GRHL3: variants seen among roughly 807,000 people sequenced by gnomAD.
GRHL3 encodes grainyhead-like protein 3 homolog.
GRHL3 carries 20 observed loss-of-function variants against 70.3 expected under a neutral mutation model. That is an observed-to-expected ratio of 0.28 (90% confidence interval 0.20 to 0.41). GRHL3 has a LOEUF of 0.41. Among genes scored for constraint, GRHL3 ranks in the 10% least tolerant of loss-of-function variants. The pLI, the probability that GRHL3 is intolerant of heterozygous loss-of-function variation, is 1.00. For missense variants in GRHL3, 637 were observed against 762.3 expected, an observed-to-expected ratio of 0.84 and a Z score of 1.94; for synonymous variants, 299 against 299.9, an observed-to-expected ratio of 1.00 and a Z score of 0.03.
intron 2 of GRHL3, 136 bp downstream of exon 2, chr1:24,331,748 C>A: frequency 1.7e-6 from 1 of 598,688 alleles, no homozygotes; most frequent in East Asian, 2.9e-5. Context: ...TTCCCTCTGC[C>A]TGGCACCCTC....
At chr1:24,343,174 A>G in intron 11 of GRHL3, 149 bp downstream of exon 11, 1 of 750,936 alleles carries the variant, frequency 1.3e-6, no homozygotes, top group Non-Finnish European at 2.2e-6. Flanking sequence ...AAACATGTAT[A>G]TATGGTCCTA....
chr1:24,359,754 CAT>C (rs141036826), downstream of GRHL3, among the ~76,000 whole-genome samples: 356 of 152,320 alleles, frequency 2.3e-3, no homozygotes, highest in African/African-American at 7.6e-3. The surrounding 1 kb of genome is among the most constrained non-coding windows in gnomAD (Gnocchi z 5.3). Flanking sequence ...ACCTGCCACA[CAT>C]GTCAGTCCCC....
chr1:24,330,792 C>T (rs970174257), intron 1 of GRHL3, among the ~76,000 whole-genome samples: 13 of 152,208 alleles, frequency 8.5e-5, no homozygotes, highest in South Asian at 4.1e-4. Context: ...CACCAGTACC[C>T]GGGTCCTTCC....
At chr1:24,335,739 C>T (rs1194933502) in intron 3 of GRHL3, among the ~76,000 whole-genome samples, 4 of 152,092 alleles carry the variant, frequency 2.6e-5, no homozygotes, top group East Asian at 1.9e-4. Context: ...CCCGCCACCT[C>T]GCCCGGCTAA....
At chr1:24,343,680 C>T (rs552307963) in intron 11 of GRHL3, among the ~76,000 whole-genome samples, 24 of 152,224 alleles carry the variant, frequency 1.6e-4, no homozygotes, top group Admixed American at 1.1e-3. Flanking sequence ...TTTCCAGGCA[C>T]GGTCCCACAA....
In GRHL3 at chr1:24,342,341, GTCC is replaced by G; in HGVS notation, c.1206+73_1206+75del. ...AGAAGGGCCAAACCCTGACCCGTGC[GTCC>G]TCCTAGCTTCTCTGGGTTGTCTGTC... On this transcript the variant is annotated intron_variant, in intron 9 of 15. Transcript: ENST00000361548. This position sits in a 1 kb window ranked among gnomAD's most constrained non-coding sequence, Gnocchi z 4.8. The G allele has an allele frequency of 7.4e-7, 1 of 1,354,926 alleles. No homozygotes were observed. The highest frequency in any genetic ancestry group is 1.9e-4 in the Middle Eastern group (1 of 5,284). 83.9% of individuals were successfully genotyped at this position (1,354,926 alleles called of 1,614,324 possible).
chr1:24,333,956 G>T (rs558940228), intron 2 of GRHL3, among the ~76,000 whole-genome samples: 14 of 152,290 alleles, frequency 9.2e-5, no homozygotes, highest in African/African-American at 2.4e-4. Flanking sequence ...CCACTCACTT[G>T]ACATATGAAG....
chr1:24,361,046 G>A, intron 15 of GRHL3: 2 of 1,600,904 alleles, frequency 1.2e-6, no homozygotes, highest in Non-Finnish European at 1.7e-6. Context: ...TTTTTCCTTT[G>A]GGAAAGATAA....
At chr1:24,346,168 C>T (rs1302036907) in intron 12 of GRHL3, among the ~76,000 whole-genome samples, 2 of 148,112 alleles carry the variant, frequency 1.4e-5, no homozygotes, top group African/African-American at 2.5e-5. Context: ...TAAAAAGGAA[C>T]GATGATGATG....
In GRHL3 at chr1:24,342,100, C is replaced by T. The variant is rs773233034; in HGVS notation, c.1048-15C>T. ...CTGGGCAGGCCACTTACCCAGCGGC[C>T]CCCTCTGTCTCCAGGTGTTCATCGG... On this transcript the variant is annotated splice_polypyrimidine_tract_variant and intron_variant, in intron 8 of 15. Coordinates refer to ENST00000361548, the MANE Select transcript of GRHL3 (RefSeq NM_198173.3). This position sits in a 1 kb window ranked among gnomAD's most constrained non-coding sequence, Gnocchi z 4.8. 3.9e-6 allele frequency: 6 copies of T among 1,544,466 alleles called. No homozygotes were observed. The Admixed American group carries it at 1.1e-4, about 29-fold the overall frequency.
rs1265642101 is a variant in GRHL3, at chr1:24,334,753, A to G, written c.266+47A>G. The G allele has an allele frequency of 1.3e-6, 2 of 1,492,844 alleles. No individual in the cohort carries two copies. Among genetic ancestry groups the G allele is most frequent in the East Asian group, 2.3e-5 (1 of 43,516 alleles). The allele number at this position is 1,492,844 out of a possible 1,614,324, so 92.5% of individuals were successfully genotyped here. A position where few individuals can be genotyped will look rare whatever the true frequency, so the allele number is the denominator to read the frequency against. On this transcript the variant is annotated intron_variant, in intron 3 of 15. Coordinates refer to ENST00000361548, the MANE Select transcript of GRHL3 (RefSeq NM_198173.3). The surrounding 1 kb of genome is among the most constrained non-coding windows in gnomAD (Gnocchi z 4.3). The stretch of plus-strand genomic sequence containing the variant: ...TGCCTCTTTGCCCTTCCCCACCTCC[A>G]CCTGGAGCCTCTTCCACACAGGTTT...
Position 24,337,193 on chromosome 1 carries a change from G to A in GRHL3, c.686+42G>A, listed in dbSNP as rs1639855247. On this transcript the variant is annotated intron_variant, in intron 5 of 15. Coordinates refer to ENST00000361548, the MANE Select transcript of GRHL3 (RefSeq NM_198173.3). ...GGACCCTCAGACACCTGGGCAGTGG[G>A]CAGGAGGCTGCAGACAGAGCCCCAC... The A allele has an allele frequency of 4.3e-6, 6 of 1,399,838 alleles. No homozygotes were observed. The South Asian group carries it at 5.9e-5, about 14-fold the overall frequency. The allele number at this position is 1,399,838 out of a possible 1,614,324, so 86.7% of individuals were successfully genotyped here.
intron 1 of GRHL3, among the ~76,000 whole-genome samples, chr1:24,325,967 G>A (rs950374682): frequency 6.6e-6 from 1 of 152,194 alleles, no homozygotes; most frequent in African/African-American, 2.4e-5. Flanking sequence ...ATGCCTTGAG[G>A]TACAAGCTCA....
At chr1:24,336,234 A>G (rs993617028) in intron 3 of GRHL3, among the ~76,000 whole-genome samples, 4 of 151,550 alleles carry the variant, frequency 2.6e-5, no homozygotes, top group African/African-American at 9.7e-5. Context: ...TTTTTTAATA[A>G]GTACTGTAAT....
At chr1:24,336,087 G>A (rs1250544319) in intron 3 of GRHL3, among the ~76,000 whole-genome samples, 7 of 151,950 alleles carry the variant, frequency 4.6e-5, no homozygotes, top group Non-Finnish European at 8.8e-5. Context: ...AGAGATACAC[G>A]TTTCTTCCAC....
At position 24,342,914 on chromosome 1, in the gene GRHL3, G is replaced by A. The variant is rs370928369; in HGVS notation, c.1308G>A (p.Ser436=). ...SNSGVKGCLL[S]GFRGNETTYL... is the part of the protein sequence containing the mutation. Reference sequence around the variant, plus strand: ...CAGGCGTCAAGGGCTGCCTGCTGTCGGGCTTCAGGGGCAATGAGACGACCT... The same window carrying A: ...CAGGCGTCAAGGGCTGCCTGCTGTCAGGCTTCAGGGGCAATGAGACGACCT... Residue 436 remains serine, a synonymous_variant, in exon 11 of 16, where the codon TCG becomes TCA. Transcript: ENST00000361548. This position sits in a 1 kb window ranked among gnomAD's most constrained non-coding sequence, Gnocchi z 4.8. 118 of 1,614,046 alleles carry A rather than the reference G, an allele frequency of 7.3e-5. No homozygotes were observed. Among genetic ancestry groups the A allele is most frequent in the Non-Finnish European group, 9.2e-5 (108 of 1,180,052 alleles).
chr1:24,364,150 C>T (rs768212173), intron 15 of GRHL3: 89 of 1,475,262 alleles, frequency 6.0e-5, no homozygotes, highest in Non-Finnish European at 7.8e-5. Context: ...CCTGCAAACT[C>T]GAATTCAATT....
chr1:24,344,751 T>A (rs1187804110), intron 11 of GRHL3, 146 bp from the exon 12 acceptor site: 1 of 849,932 alleles, frequency 1.2e-6, no homozygotes, highest in East Asian at 2.6e-5. Context: ...AGGGCACTTG[T>A]CTGAGCAGAA....
chr1:24,320,155 G>A (rs1228660942), intron 1 of GRHL3, among the ~76,000 whole-genome samples: 1 of 152,190 alleles, frequency 6.6e-6, no homozygotes, highest in Non-Finnish European at 1.5e-5. Context: ...TCCTCATCTG[G>A]AAAATGGGTA....
Sources: gnomAD v4.1 joint callset for allele counts (sites outside exome capture counted in the v4.1 genomes callset) on GRCh38, gnomAD v4.1.1 for gene constraint, Gnocchi (gnomAD v3.1) non-coding constraint, MANE v1.5 for transcripts, NCBI Gene and HGNC (gene_info 2026-07-23, HGNC 2026-07-21) for gene names.